DLG2: variants seen among roughly 807,000 people sequenced by gnomAD.
DLG2 encodes the protein discs large MAGUK scaffold protein 2.
In DLG2, 45 loss-of-function variants were observed where a neutral mutation model predicts 132.5. The observed-to-expected ratio is 0.34, with a 90% CI of 0.27 to 0.44. The LOEUF is 0.44. Ranked by LOEUF, DLG2 falls within the 20% of genes least tolerant of loss-of-function variation. The pLI, the probability that DLG2 is intolerant of heterozygous loss-of-function variation, is 1.00. For synonymous variants in DLG2, 424 were observed against 419.6 expected, an observed-to-expected ratio of 1.01 and a Z score of -0.13; for missense variants, 1,045 against 1,196.9, an observed-to-expected ratio of 0.87 and a Z score of 1.87.
At chr11:83,688,180 G>T (rs1027083689) in intron 18 of DLG2, among the ~76,000 whole-genome samples, 1 of 152,028 alleles carries the variant, frequency 6.6e-6, no homozygotes, top group Non-Finnish European at 1.5e-5. Context: ...ATAATCCCAC[G>T]CAACGAATTT....
chr11:83,870,823 T>C (rs561831501), intron 16 of DLG2, among the ~76,000 whole-genome samples: 1 of 152,340 alleles, frequency 6.6e-6, no homozygotes, highest in Admixed American at 6.5e-5. Context: ...TAGGCAGATC[T>C]GCTCTTTGCT....
intron 7 of DLG2, among the ~76,000 whole-genome samples, chr11:84,401,827 C>T (rs1239786880): frequency 1.3e-5 from 2 of 152,106 alleles, no homozygotes; most frequent in South Asian, 2.1e-4. Context: ...GGACTACAGG[C>T]GCCTGCCACC....
At chr11:83,846,374 G>A (rs1370930740) in intron 16 of DLG2, among the ~76,000 whole-genome samples, 1 of 152,200 alleles carries the variant, frequency 6.6e-6, no homozygotes, top group African/African-American at 2.4e-5. Context: ...TGAAGACATT[G>A]AATGTTTGTG....
At chr11:85,081,042 A>AT (rs1160278509) in intron 6 of DLG2, among the ~76,000 whole-genome samples, 3 of 152,260 alleles carry the variant, frequency 2.0e-5, no homozygotes, top group South Asian at 2.1e-4. Context: ...AGTTTAGTTG[A>AT]TTTTTTTATA....
At chr11:83,460,801 C>G (rs902684600) in intron 27 of DLG2, among the ~76,000 whole-genome samples, 26 of 152,260 alleles carry the variant, frequency 1.7e-4, no homozygotes, top group African/African-American at 5.5e-4. Flanking sequence ...AAAATGTACA[C>G]TTTTGTTTCT....
At chr11:84,129,957 T>C (rs2094347526) in intron 9 of DLG2, among the ~76,000 whole-genome samples, 1 of 152,060 alleles carries the variant, frequency 6.6e-6, no homozygotes, top group East Asian at 1.9e-4. Flanking sequence ...CTATATTAAA[T>C]AGTTAATATT....
intron 17 of DLG2, chr11:83,790,867 T>A: frequency 1.3e-6 from 1 of 746,786 alleles, no homozygotes; most frequent in Non-Finnish European, 2.4e-6. Flanking sequence ...CAATAGCTAC[T>A]TGATCCTTCC....
chr11:83,939,299 C>A (rs1439926712), intron 14 of DLG2, among the ~76,000 whole-genome samples: 3 of 152,160 alleles, frequency 2.0e-5, no homozygotes. Flanking sequence ...GCTTTTTCAG[C>A]AGACCGGTGG....
rs531517849 is a variant in DLG2, at chr11:84,968,979, T to C, written c.357+142682A>G. On this transcript the variant is annotated intron_variant, in intron 6 of 27. Coordinates refer to ENST00000376104, the MANE Select transcript of DLG2 (RefSeq NM_001142699.3). ...TGCTGGAGCAAGACTCTAACGTGTG[T>C]AGAGCAGTATATATACAATAATTGC... 2.0e-5 allele frequency among the ~76,000 whole-genome samples: 3 copies of C among 151,926 alleles called. No homozygotes were observed. In the East Asian group the frequency reaches 5.8e-4, roughly 29 times the overall value.
Position 84,763,118 on chromosome 11 carries a change from C to T in DLG2, c.358-228387G>A, listed in dbSNP as rs187291127. On this transcript the variant is annotated intron_variant, in intron 6 of 27. Transcript: ENST00000376104. ...CCTATGCAACTTTCAGGACAGAGTC[C>T]GTATCTGTCTATTCACTGCCACATT... Among the ~76,000 whole-genome samples, 7 of 152,282 alleles carry T rather than the reference C, an allele frequency of 4.6e-5. No homozygotes were observed. The East Asian group carries it at 7.7e-4, about 17-fold the overall frequency.
chr11:84,380,994 G>A (rs1409792793), intron 7 of DLG2, among the ~76,000 whole-genome samples: 2 of 151,784 alleles, frequency 1.3e-5, no homozygotes, highest in South Asian at 2.1e-4. Context: ...AAAGTTATGC[G>A]AAAGGAAGGA....
intron 3 of DLG2, among the ~76,000 whole-genome samples, chr11:85,347,999 T>TTTTG (rs2082985329): frequency 9.4e-6 from 1 of 105,926 alleles, no homozygotes; most frequent in Non-Finnish European, 2.0e-5. Flanking sequence ...TTTTTTTTTT[T>TTTTG]GAGACAGAGT....
At chr11:83,499,240 A>G (rs2094317549) in intron 21 of DLG2, among the ~76,000 whole-genome samples, 1 of 152,190 alleles carries the variant, frequency 6.6e-6, no homozygotes, top group Non-Finnish European at 1.5e-5. Flanking sequence ...AATTTGACAA[A>G]GATATCACGA....
chr11:85,610,712 C>T (rs2080934402), intron 2 of DLG2, among the ~76,000 whole-genome samples: 1 of 152,218 alleles, frequency 6.6e-6, no homozygotes, highest in Admixed American at 6.5e-5. Flanking sequence ...ATCAAGGGTA[C>T]AAGGCATCTA....
rs1167420820 is a variant in DLG2 at position 84,478,018 on chromosome 11, AGGT to A, written c.519+56549_519+56551del. Among the ~76,000 whole-genome samples, 30 of 152,272 alleles carry A rather than the reference AGGT, an allele frequency of 2.0e-4. No individual in the cohort carries two copies. In the East Asian group the frequency reaches 3.5e-3, roughly 18 times the overall value. On this transcript the variant is annotated intron_variant, in intron 7 of 27. Coordinates refer to ENST00000376104, the MANE Select transcript of DLG2 (RefSeq NM_001142699.3). The stretch of plus-strand genomic sequence containing the variant: ...TAAATGAGGAATCCGAGGCACAGAG[AGGT>A]CAAGAAACTCCAAAGTCACACAGCT...
At chr11:84,857,114 G>A (rs1359427433) in intron 6 of DLG2, among the ~76,000 whole-genome samples, 5 of 151,258 alleles carry the variant, frequency 3.3e-5, no homozygotes, top group African/African-American at 1.2e-4. Flanking sequence ...CAACTTTTCT[G>A]GGCAAAAACA....
rs1363381464 is a variant in DLG2, at chr11:83,753,019, GA to G, written c.1825+33670del. Among the ~76,000 whole-genome samples, 57 of 152,318 alleles carry G rather than the reference GA, an allele frequency of 3.7e-4. 1 individual carries two copies. Among genetic ancestry groups the G allele is most frequent in the African/African-American group, 1.3e-3 (55 of 41,574 alleles). ...AAAAAGTAGTCCTTGAGGGGACAGT[GA>G]ATTTACAAAGGAAATGTAGTATGAT... On this transcript the variant is annotated intron_variant, in intron 18 of 27. Transcript: ENST00000376104.
At chr11:85,054,883 G>C (rs1027351765) in intron 6 of DLG2, among the ~76,000 whole-genome samples, 2 of 152,132 alleles carry the variant, frequency 1.3e-5, no homozygotes, top group Non-Finnish European at 2.9e-5. Flanking sequence ...GGGGAGATAA[G>C]GGTTGAAAAA....
At chr11:84,731,579 A>C (rs530382552) in intron 6 of DLG2, among the ~76,000 whole-genome samples, 163 of 152,132 alleles carry the variant, frequency 1.1e-3, no homozygotes, top group African/African-American at 3.8e-3. Context: ...TATACAAAGA[A>C]TATGTGGTAC....
Sources: allele counts gnomAD v4.1 joint callset (sites outside exome capture counted in the v4.1 genomes callset), GRCh38; gene constraint gnomAD v4.1.1; transcripts MANE v1.5; gene names NCBI Gene and HGNC (gene_info 2026-07-23, HGNC 2026-07-21).